Variants in COPS2 observed in about 807,000 individuals in gnomAD.
The protein encoded by COPS2 is COP9 signalosome subunit 2.
In COPS2, 10 loss-of-function variants were observed where a neutral mutation model predicts 66.1. That is an observed-to-expected ratio of 0.15 (90% confidence interval 0.09 to 0.26). The LOEUF is 0.26. Ranked by LOEUF, COPS2 falls within the 10% of genes least tolerant of loss-of-function variation. The pLI is 1.00. For missense variants in COPS2, 215 were observed against 513.3 expected, an observed-to-expected ratio of 0.42 and a Z score of 5.62; for synonymous variants, 179 against 171.3, an observed-to-expected ratio of 1.04 and a Z score of -0.35.
intron 9 of COPS2, among the ~76,000 whole-genome samples, chr15:49,131,111 A>G (rs962874014): frequency 1.3e-5 from 2 of 152,112 alleles, no homozygotes; most frequent in Admixed American, 6.6e-5. Flanking sequence ...TACTTCTCTT[A>G]AAAGTTGGCA....
At chr15:49,147,937 T>C (rs1179183371) in intron 1 of COPS2, among the ~76,000 whole-genome samples, 1 of 152,198 alleles carries the variant, frequency 6.6e-6, no homozygotes, top group African/African-American at 2.4e-5. Context: ...GATGTTCTAC[T>C]GATTGACTAC....
At chr15:49,140,695 A>G (rs1057240048) in intron 3 of COPS2, among the ~76,000 whole-genome samples, 4 of 152,194 alleles carry the variant, frequency 2.6e-5, no homozygotes, top group South Asian at 2.1e-4. Flanking sequence ...ACCTGCATCC[A>G]CAATCCTCAT....
At chr15:49,129,686 A>G (rs1445306151) in intron 10 of COPS2, 127 bp from the exon 11 acceptor site, 1 of 428,268 alleles carries the variant, frequency 2.3e-6, no homozygotes, top group African/African-American at 2.1e-5. Flanking sequence ...TAAAGTGTTT[A>G]GATTTTAAAA....
At chr15:49,144,900 C>T (rs1248096693) in intron 2 of COPS2, 65 bp downstream of exon 2, 4 of 847,668 alleles carry the variant, frequency 4.7e-6, no homozygotes, top group Admixed American at 2.6e-5. Context: ...TCACCTGGGA[C>T]TTATTTGTTC....
In COPS2 at chr15:49,126,339, A is replaced by G. The variant is rs2084166133; in HGVS notation, c.*1611T>C. ...CTAAATCTAAGGATTATATATTTTT[A>G]GTATAAATATATATCACATATTTTC... On this transcript the variant is annotated 3_prime_UTR_variant, in exon 13 of 13. Transcript: ENST00000388901. 1 of 152,406 alleles carries G rather than the reference A, an allele frequency of 6.6e-6. No individual in the cohort carries two copies. Among genetic ancestry groups the G allele is most frequent in the Non-Finnish European group, 1.5e-5 (1 of 67,908 alleles). 9.4% of individuals were successfully genotyped at this position (152,406 alleles called of 1,614,324 possible). A position where few individuals can be genotyped will look rare whatever the true frequency, so the allele number is the denominator to read the frequency against.
chr15:49,152,174 T>TA (rs755788594), intron 1 of COPS2, among the ~76,000 whole-genome samples: 104 of 140,920 alleles, frequency 7.4e-4, no homozygotes, highest in East Asian at 3.3e-3. Context: ...CTAAGAAACA[T>TA]AAAAAAAAAA....
intron 9 of COPS2, 25 bp downstream of exon 9, chr15:49,133,734 C>T: frequency 6.5e-7 from 1 of 1,535,452 alleles, no homozygotes; most frequent in African/African-American, 1.4e-5. Flanking sequence ...AGGAAATTTA[C>T]CTTAACTGAA....
intron 9 of COPS2, among the ~76,000 whole-genome samples, chr15:49,131,472 G>T (rs1189589698): frequency 1.3e-5 from 2 of 151,544 alleles, no homozygotes; most frequent in Non-Finnish European, 1.5e-5. Flanking sequence ...TGCTAAAGGT[G>T]CTGAGAAGGA....
rs2084175767 is a variant in COPS2 at position 49,127,404 on chromosome 15, C to T, written c.*546G>A. On this transcript the variant is annotated 3_prime_UTR_variant, in exon 13 of 13. Transcript: ENST00000388901. ...TTGAAACCTAAGTGACAGTATGCCA[C>T]TATAATTATGGGGTTTCGTCTAAAC... 6.6e-6 allele frequency: 1 copy of T among 152,612 alleles called. No individual in the cohort carries two copies. Among genetic ancestry groups the T allele is most frequent in the Admixed American group, 6.5e-5 (1 of 15,280 alleles). 9.5% of individuals were successfully genotyped at this position (152,612 alleles called of 1,614,324 possible). A position where few individuals can be genotyped will look rare whatever the true frequency, so the allele number is the denominator to read the frequency against.
In COPS2 at chr15:49,124,856, AGCTTCTTAAAAAGAG is replaced by A. The variant is rs999697392; in HGVS notation, c.*3079_*3093del. On this transcript the variant is annotated 3_prime_UTR_variant, in exon 13 of 13. Transcript: ENST00000388901. ...GTAAATTAATGATTACAGATCTCTG[AGCTTCTTAAAAAGAG>A]GTAAAGGGAATCCACTAGGCAAATA... The A allele has an allele frequency of 5.4e-4, 82 of 152,316 alleles. No individual in the cohort carries two copies. Among genetic ancestry groups the A allele is most frequent in the African/African-American group, 1.9e-3 (80 of 41,584 alleles). The allele number at this position is 152,316 out of a possible 1,614,324, so 9.4% of individuals were successfully genotyped here. A position where few individuals can be genotyped will look rare whatever the true frequency, so the allele number is the denominator to read the frequency against.
chr15:49,143,976 GGA>G (rs1566885284), intron 3 of COPS2, among the ~76,000 whole-genome samples: 1 of 145,344 alleles, frequency 6.9e-6, no homozygotes. Flanking sequence ...ACAGAGCGGG[GGA>G]AAAAAAAAAA....
At chr15:49,143,739 C>T (rs1325080346) in intron 3 of COPS2, among the ~76,000 whole-genome samples, 1 of 152,178 alleles carries the variant, frequency 6.6e-6, no homozygotes, top group Non-Finnish European at 1.5e-5. Context: ...GTAATCCTAG[C>T]ACTTTGGGAG....
At chr15:49,133,641 C>A in intron 9 of COPS2, 118 bp downstream of exon 9, 1 of 636,152 alleles carries the variant, frequency 1.6e-6, no homozygotes, top group Non-Finnish European at 2.6e-6. Flanking sequence ...ACAAACTTTT[C>A]TAAGAAAATA....
intron 12 of COPS2, 57 bp downstream of exon 12, chr15:49,128,645 A>AT: frequency 8.2e-7 from 1 of 1,226,892 alleles, no homozygotes; most frequent in Non-Finnish European, 1.2e-6. Context: ...CTTTGTCACT[A>AT]TTATTCAAAA....
chr15:49,149,670 C>T (rs574430011), intron 1 of COPS2, among the ~76,000 whole-genome samples: 1 of 152,298 alleles, frequency 6.6e-6, no homozygotes, highest in East Asian at 1.9e-4. Flanking sequence ...TGGAATGTCG[C>T]TACTGCTGAA....
At chr15:49,135,904 T>G (rs1408638086) in intron 6 of COPS2, among the ~76,000 whole-genome samples, 1 of 152,206 alleles carries the variant, frequency 6.6e-6, no homozygotes, top group Non-Finnish European at 1.5e-5. Flanking sequence ...TTCAAAGGGT[T>G]TTCTCAAATT....
chr15:49,148,722 G>T (rs933092535), intron 1 of COPS2, among the ~76,000 whole-genome samples: 1 of 152,182 alleles, frequency 6.6e-6, no homozygotes, highest in African/African-American at 2.4e-5. Context: ...AGCTGTGAAG[G>T]CCTGACTCCA....
chr15:49,133,686 GAA>G (rs1174090403), intron 9 of COPS2, 71 bp downstream of exon 9: 14 of 1,051,642 alleles, frequency 1.3e-5, no homozygotes, highest in Non-Finnish European at 1.8e-5. Context: ...ACTGAGTTCT[GAA>G]AAGTTTTCTC....
rs532112329 is a variant in COPS2, at chr15:49,154,619, G to C, written c.54+906C>G. On this transcript the variant is annotated intron_variant, in intron 1 of 12. Coordinates refer to ENST00000388901, the MANE Select transcript of COPS2 (RefSeq NM_004236.4). ...CCATATGAAACACCCCCAAAATAAAGAAACACAGCAAAATTGACGTTAATT... is the reference window on the plus strand; with the variant it reads ...CCATATGAAACACCCCCAAAATAAACAAACACAGCAAAATTGACGTTAATT... 2.0e-5 allele frequency among the ~76,000 whole-genome samples: 3 copies of C among 152,160 alleles called. No individual in the cohort carries two copies. The South Asian group carries it at 6.2e-4, about 32-fold the overall frequency.
Sources: gnomAD v4.1 joint callset for allele counts (sites outside exome capture counted in the v4.1 genomes callset) on GRCh38, gnomAD v4.1.1 for gene constraint, MANE v1.5 for transcripts, NCBI Gene and HGNC (gene_info 2026-07-23, HGNC 2026-07-21) for gene names.